KIF13B: variants seen among roughly 807,000 people sequenced by gnomAD.
The protein encoded by KIF13B is kinesin family member 13B.
KIF13B carries 127 observed loss-of-function variants against 222.0 expected under a neutral mutation model. That is an observed-to-expected ratio of 0.57 (90% CI 0.50 to 0.66). The LOEUF (loss-of-function observed/expected upper bound fraction) is 0.66, where lower values mean the gene tolerates loss of function less well. Ranked by LOEUF, KIF13B falls within the 30% of genes least tolerant of loss-of-function variation. KIF13B has a pLI of 0.00. For synonymous variants in KIF13B, 976 were observed against 919.0 expected (o/e 1.06, Z -1.12); for missense variants, 2,173 against 2,379.0 (o/e 0.91, Z 1.80).
chr8:29,144,553 C>T (rs1411972125), intron 18 of KIF13B, among the ~76,000 whole-genome samples: 2 of 152,070 alleles, frequency 1.3e-5, no homozygotes, highest in African/African-American at 2.4e-5. Flanking sequence ...CCACCATGCC[C>T]GGCCATCTTA....
intron 35 of KIF13B, among the ~76,000 whole-genome samples, chr8:29,107,006 CAAGT>C (rs1809103207): frequency 6.6e-6 from 1 of 152,116 alleles, no homozygotes; most frequent in South Asian, 2.1e-4. Flanking sequence ...GTGTGGTGCC[CAAGT>C]AAGACAGTTT....
intron 24 of KIF13B, among the ~76,000 whole-genome samples, chr8:29,128,149 T>C (rs1328210136): frequency 1.3e-5 from 2 of 149,560 alleles, no homozygotes; most frequent in South Asian, 2.1e-4. Flanking sequence ...TAAATATAAA[T>C]ATATAATTAT....
chr8:29,230,655 G>A (rs79829231), intron 2 of KIF13B, among the ~76,000 whole-genome samples: 198 of 152,318 alleles, frequency 1.3e-3, no homozygotes, highest in South Asian at 2.1e-3. Flanking sequence ...TTATGAGCAC[G>A]TGAAGCTGGC....
Position 29,124,100 on chromosome 8 carries a change from A to G in KIF13B, c.3276T>C (p.Arg1092=), listed in dbSNP as rs1331247309. ...SYQDRDLERL[R]RKWLNALTKR... ...TTGTTAATGCATTTAGCCATTTTCT[A>G]CGAAGTCTCTCTAAATCTCGATCCT... Residue 1092 remains arginine (R), a synonymous_variant, in exon 27 of 40, where the codon CGT becomes CGC. Transcript: ENST00000524189. The G allele has an allele frequency of 1.2e-6, 2 of 1,611,620 alleles. No homozygotes were observed. Among genetic ancestry groups the G allele is most frequent in the East Asian group, 2.2e-5 (1 of 44,866 alleles).
chr8:29,130,433 A>T, intron 24 of KIF13B, 100 bp downstream of exon 24: 2 of 1,187,084 alleles, frequency 1.7e-6, no homozygotes, highest in Admixed American at 4.1e-5. Flanking sequence ...GGACTTGGCC[A>T]GTCTAGATTT....
chr8:29,187,018 T>C (rs1178758024), intron 5 of KIF13B, among the ~76,000 whole-genome samples: 1 of 151,166 alleles, frequency 6.6e-6, no homozygotes, highest in Non-Finnish European at 1.5e-5. Flanking sequence ...ATCCTCATAC[T>C]TTAAGAAAAT....
At chr8:29,177,716 A>G in intron 8 of KIF13B, 138 bp from the exon 9 acceptor site, 1 of 661,782 alleles carries the variant, frequency 1.5e-6, no homozygotes, top group South Asian at 1.7e-5. Flanking sequence ...AGCCTGGGCA[A>G]CACAGCAAAA....
chr8:29,123,449 C>T lies in KIF13B; in HGVS notation c.3396G>A (p.Glu1132=). Residue 1132 remains glutamate, a synonymous_variant, in exon 28 of 40, where the codon GAG becomes GAA. Coordinates refer to ENST00000524189, the MANE Select transcript of KIF13B (RefSeq NM_015254.4). Reference sequence around the variant, plus strand: ...TCTCCTCAGTTAGGGTCAACCGCATCTCCAGAAGCTGCGCTTCACGGTCAG... The same window carrying T: ...TCTCCTCAGTTAGGGTCAACCGCATTTCCAGAAGCTGCGCTTCACGGTCAG... ...DDADREAQLL[E]MRLTLTEERN... is the part of the protein sequence containing the mutation. 1 of 1,614,066 alleles carries T rather than the reference C, an allele frequency of 6.2e-7. No homozygotes were observed. The highest frequency in any genetic ancestry group is 8.5e-7 in the Non-Finnish European group (1 of 1,179,894).
chr8:29,190,003 C>T (rs1813106409), intron 4 of KIF13B: 1 of 152,254 alleles, frequency 6.6e-6, no homozygotes, highest in Non-Finnish European at 1.5e-5. Context: ...CTATGGTACT[C>T]ATATATATCC....
chr8:29,207,803 T>C (rs1391543769), intron 2 of KIF13B, among the ~76,000 whole-genome samples: 1 of 152,198 alleles, frequency 6.6e-6, no homozygotes, highest in African/African-American at 2.4e-5. Context: ...GGTTGGCTCA[T>C]CTGCTTCCAA....
At chr8:29,172,884 T>C (rs1037826841) in intron 10 of KIF13B, among the ~76,000 whole-genome samples, 5 of 152,018 alleles carry the variant, frequency 3.3e-5, no homozygotes, top group African/African-American at 7.2e-5. Flanking sequence ...CTATGTCGAT[T>C]AAGTTAACAA....
intron 24 of KIF13B, among the ~76,000 whole-genome samples, chr8:29,129,689 A>C (rs1810263775): frequency 6.6e-6 from 1 of 152,206 alleles, no homozygotes; most frequent in Non-Finnish European, 1.5e-5. Context: ...TTAAATTAAA[A>C]ATTTCCCTCT....
intron 25 of KIF13B, 131 bp from the exon 26 acceptor site, chr8:29,126,642 C>T (rs1331828792): frequency 9.1e-6 from 6 of 660,802 alleles, no homozygotes; most frequent in African/African-American, 9.1e-5. Flanking sequence ...TCATCTCCCA[C>T]CTACCCACAC....
intron 20 of KIF13B, 93 bp from the exon 21 acceptor site, chr8:29,140,284 G>A (rs1810756074): frequency 2.0e-6 from 3 of 1,530,588 alleles, no homozygotes; most frequent in East Asian, 4.6e-5. Flanking sequence ...CAAGTTGTCA[G>A]GTTAATGGTG....
intron 37 of KIF13B, among the ~76,000 whole-genome samples, chr8:29,085,482 TTC>T (rs3055400): frequency 0.18 from 27,139 of 151,850 alleles, 3,205 homozygotes; most frequent in African/African-American, 0.34. Flanking sequence ...CTCATAAACT[TTC>T]TGTTTTTATT....
At chr8:29,083,082 T>C (rs1807885924) in intron 37 of KIF13B, among the ~76,000 whole-genome samples, 1 of 151,880 alleles carries the variant, frequency 6.6e-6, no homozygotes, top group Non-Finnish European at 1.5e-5. Flanking sequence ...TGAGCCATGA[T>C]CACACCACTG....
Position 29,150,333 on chromosome 8 carries a change from C to CAAAA in KIF13B, c.1585_1586insTTTT (p.Gly529ValfsTer19). ...ATTGTTTCCCCATAATATCCTGTCC[C>CAAAA]CATGGTGTAGCTGTATTGGACTGGA... On this transcript the variant is annotated frameshift_variant, in exon 15 of 40. Coordinates refer to ENST00000524189, the MANE Select transcript of KIF13B (RefSeq NM_015254.4). LOFTEE classifies it high-confidence loss of function. The CAAAA allele has an allele frequency of 6.3e-7, 1 of 1,595,122 alleles. No homozygotes were observed. Among genetic ancestry groups the CAAAA allele is most frequent in the Non-Finnish European group, 8.6e-7 (1 of 1,165,394 alleles).
At chr8:29,164,409 T>C (rs774240693) in intron 12 of KIF13B, among the ~76,000 whole-genome samples, 3 of 152,222 alleles carry the variant, frequency 2.0e-5, no homozygotes, top group Non-Finnish European at 2.9e-5. Context: ...TTTAAATAGA[T>C]GAACAACTTG....
At chr8:29,178,730 T>C (rs1310423542) in intron 8 of KIF13B, among the ~76,000 whole-genome samples, 1 of 152,166 alleles carries the variant, frequency 6.6e-6, no homozygotes, top group East Asian at 1.9e-4. Context: ...AACTTTTTGT[T>C]GTTACACTAA....
Sources: allele counts gnomAD v4.1 joint callset (sites outside exome capture counted in the v4.1 genomes callset), GRCh38; gene constraint gnomAD v4.1.1; transcripts MANE v1.5; gene names NCBI Gene and HGNC (gene_info 2026-07-23, HGNC 2026-07-21).